Variants in DMD observed in about 807,000 individuals in gnomAD.
The protein encoded by DMD is dystrophin, also known as mutant dystrophin.
In DMD, 63 loss-of-function variants were observed where a neutral mutation model predicts 330.1. The observed-to-expected ratio is 0.19, with a 90% CI of 0.16 to 0.24. The LOEUF (loss-of-function observed/expected upper bound fraction) is 0.24. Among genes scored for constraint, DMD ranks in the 10% least tolerant of loss-of-function variants. The pLI is 1.00. For missense variants in DMD, 3,344 were observed against 2,684.1 expected (o/e 1.25, Z -5.43); for synonymous variants, 1,223 against 959.8 (o/e 1.27, Z -5.07).
chrX:31,368,061 C>T (rs979627587), intron 60 of DMD, among the ~76,000 whole-genome samples: 1 of 111,628 alleles, frequency 9.0e-6, no homozygotes, highest in African/African-American at 3.3e-5. Context: ...CAAGTTCTAA[C>T]TCGTGCTGTA....
At chrX:33,299,951 A>G (rs998338298) in intron 1 of DMD, among the ~76,000 whole-genome samples, 2 of 111,805 alleles carry the variant, frequency 1.8e-5, no homozygotes, top group African/African-American at 6.5e-5. Context: ...TCTTTATGTT[A>G]AATTTCTAAA....
chrX:31,450,764 C>T (rs1048774964), intron 59 of DMD, among the ~76,000 whole-genome samples: 1 of 112,205 alleles, frequency 8.9e-6, no homozygotes, highest in Middle Eastern at 4.6e-3. Flanking sequence ...ATCAATCTGG[C>T]CCCATGGGAA....
At chrX:31,920,452 A>AATT (rs1199892776) in intron 47 of DMD, among the ~76,000 whole-genome samples, 1 of 112,100 alleles carries the variant, frequency 8.9e-6, no homozygotes, top group African/African-American at 3.2e-5. Flanking sequence ...ACGATTATTA[A>AATT]ATTATTAGAA....
intron 55 of DMD, among the ~76,000 whole-genome samples, chrX:31,527,465 T>C (rs2073333821): frequency 1.8e-5 from 2 of 112,340 alleles, no homozygotes; most frequent in East Asian, 2.8e-4. Context: ...ACAATCTTTT[T>C]TTATTTAGTG....
intron 13 of DMD, among the ~76,000 whole-genome samples, chrX:32,578,726 T>C (rs1164286914): frequency 9.0e-6 from 1 of 111,713 alleles, no homozygotes; most frequent in Non-Finnish European, 1.9e-5. Flanking sequence ...AAACCTAAAC[T>C]GTGCCCATCA....
At chrX:32,738,631 A>C (rs1188576348) in intron 7 of DMD, among the ~76,000 whole-genome samples, 1 of 111,955 alleles carries the variant, frequency 8.9e-6, no homozygotes, top group Non-Finnish European at 1.9e-5. Flanking sequence ...TAGATTTTAA[A>C]GTTAATTGAA....
intron 6 of DMD, among the ~76,000 whole-genome samples, chrX:32,814,467 C>T (rs142380999): frequency 0.011 from 1,284 of 112,019 alleles, 17 homozygotes; most frequent in African/African-American, 0.039. Flanking sequence ...ATTGTGCCAA[C>T]GACAATCGCT....
intron 65 of DMD, among the ~76,000 whole-genome samples, chrX:31,208,461 G>C (rs1046048558): frequency 8.9e-6 from 1 of 111,970 alleles, no homozygotes; most frequent in Admixed American, 9.5e-5. Context: ...AAATATATTT[G>C]AGGGGAAACC....
intron 28 of DMD, among the ~76,000 whole-genome samples, chrX:32,440,511 G>A (rs1232394025): frequency 9.0e-6 from 1 of 110,794 alleles, no homozygotes; most frequent in Non-Finnish European, 1.9e-5. Context: ...ATAGCTTTAC[G>A]TACATATATT....
intron 7 of DMD, among the ~76,000 whole-genome samples, chrX:32,722,572 T>C (rs1220358712): frequency 5.4e-5 from 6 of 110,998 alleles, no homozygotes; most frequent in Admixed American, 4.8e-4. Flanking sequence ...ACAATATTAC[T>C]TCTTCCAGTC....
In DMD at chrX:32,464,481, C is replaced by A. The variant is rs953112032; in HGVS notation, c.3276+105G>T. ...GTCTAGAAACATTAAAAAAAATCCA[C>A]TGGGGAGAGGAGAGCAAAATCCACC... On this transcript the variant is annotated intron_variant, in intron 24 of 78. Coordinates refer to ENST00000357033, the MANE Select transcript of DMD (RefSeq NM_004006.3). 6 of 604,846 alleles carry A rather than the reference C, an allele frequency of 9.9e-6. No individual in the cohort carries two copies. The Admixed American group carries it at 1.6e-4, about 16-fold the overall frequency. 49.8% of individuals were successfully genotyped at this position (604,846 alleles called of 1,213,427 possible). A position where few individuals can be genotyped will look rare whatever the true frequency, so the allele number is the denominator to read the frequency against.
intron 52 of DMD, among the ~76,000 whole-genome samples, chrX:31,724,720 C>T (rs2085877832): frequency 1.8e-5 from 2 of 112,031 alleles, no homozygotes; most frequent in South Asian, 7.4e-4. Context: ...ACAATATGTA[C>T]CATTTAATGA....
intron 41 of DMD, among the ~76,000 whole-genome samples, chrX:32,334,099 T>C (rs1212653386): frequency 1.8e-5 from 2 of 111,022 alleles, no homozygotes; most frequent in African/African-American, 6.6e-5. Context: ...AACTAGACAC[T>C]AGAACAAAAA....
At chrX:32,783,133 ATG>A (rs1332522077) in intron 7 of DMD, among the ~76,000 whole-genome samples, 1 of 101,410 alleles carries the variant, frequency 9.9e-6, no homozygotes, top group African/African-American at 3.6e-5. Context: ...ATATACATAT[ATG>A]TATATATATA....
In DMD at chrX:32,673,084, A is replaced by AGATATGTGTGTATGTCTGC. The variant is rs2061732956; in HGVS notation, c.960+24785_960+24786insGCAGACATACACACATATC. 5.4e-5 allele frequency among the ~76,000 whole-genome samples: 6 copies of AGATATGTGTGTATGTCTGC among 111,185 alleles called. No homozygotes were observed. In the South Asian group the frequency reaches 2.3e-3, roughly 42 times the overall value. ...GTGCGTGTGTGTGTCTGCATATTTCAAGTTTTCTTGAGAAGAGTTTTCCAT... is the reference window on the plus strand; with the variant it reads ...GTGCGTGTGTGTGTCTGCATATTTCAGATATGTGTGTATGTCTGCAGTTTTCTTGAGAAGAGTTTTCCAT... On this transcript the variant is annotated intron_variant, in intron 9 of 78. Transcript: ENST00000357033.
intron 13 of DMD, among the ~76,000 whole-genome samples, chrX:32,580,619 T>C (rs1207068887): frequency 8.9e-6 from 1 of 111,807 alleles, no homozygotes; most frequent in Non-Finnish European, 1.9e-5. Context: ...GCTCAGTCGA[T>C]AAAAAAATCA....
At chrX:32,694,854 C>G (rs1310686844) in intron 9 of DMD, among the ~76,000 whole-genome samples, 3 of 111,058 alleles carry the variant, frequency 2.7e-5, no homozygotes, top group Non-Finnish European at 5.7e-5. Context: ...TGGGGTTTTA[C>G]CATGTTGGTT....
At chrX:33,062,205 G>A (rs1368666292) in intron 1 of DMD, among the ~76,000 whole-genome samples, 5 of 111,649 alleles carry the variant, frequency 4.5e-5, no homozygotes, top group Admixed American at 9.6e-5. Context: ...CTTTCATAAG[G>A]GCAAATTAAA....
At chrX:31,305,869 C>T (rs2054987073) in intron 62 of DMD, among the ~76,000 whole-genome samples, 1 of 112,496 alleles carries the variant, frequency 8.9e-6, no homozygotes, top group Non-Finnish European at 1.9e-5. Context: ...TATTTACAAA[C>T]TAGTTATACT....
Sources: allele counts gnomAD v4.1 joint callset (sites outside exome capture counted in the v4.1 genomes callset), GRCh38; gene constraint gnomAD v4.1.1; transcripts MANE v1.5; gene names NCBI Gene and HGNC (gene_info 2026-07-23, HGNC 2026-07-21).